VPS54: variants seen among roughly 807,000 people sequenced by gnomAD.
VPS54 encodes the protein VPS54 subunit of GARP complex.
In VPS54, 45 loss-of-function variants were observed where a neutral mutation model predicts 121.5. The observed-to-expected ratio is 0.37, with a 90% CI of 0.29 to 0.47. VPS54 has a LOEUF of 0.47. Among genes scored for constraint, VPS54 ranks in the 20% least tolerant of loss-of-function variants. The probability of loss-of-function intolerance (pLI) is 0.99; values close to 1 mark genes in which losing one functional copy is unlikely to be tolerated. For missense variants in VPS54, 1,090 were observed against 1,131.4 expected (o/e 0.96, Z 0.52); for synonymous variants, 371 against 385.8 (o/e 0.96, Z 0.45).
chr2:63,944,058 C>CA (rs1288335569), intron 10 of VPS54, among the ~76,000 whole-genome samples: 112 of 145,116 alleles, frequency 7.7e-4, no homozygotes, highest in South Asian at 2.2e-3. Flanking sequence ...AGGGTGAAAA[C>CA]AAAAAAAAAA....
chr2:63,942,404 T>C (rs1674785727), intron 11 of VPS54, 61 bp downstream of exon 11: 6 of 1,145,184 alleles, frequency 5.2e-6, no homozygotes, highest in African/African-American at 3.2e-5. Context: ...TTACATATTA[T>C]GTATCTAGAA....
intron 20 of VPS54, among the ~76,000 whole-genome samples, chr2:63,903,856 G>A (rs1490626700): frequency 1.3e-5 from 2 of 151,734 alleles, no homozygotes; most frequent in Non-Finnish European, 2.9e-5. Flanking sequence ...AGAACAGAAG[G>A]AACAAACAGA....
chr2:63,918,908 T>G (rs1673506850), intron 15 of VPS54, among the ~76,000 whole-genome samples: 1 of 152,052 alleles, frequency 6.6e-6, no homozygotes. Flanking sequence ...CTCCACTGAA[T>G]TACTGAGATT....
chr2:63,977,173 A>C (rs1676580837), intron 3 of VPS54, among the ~76,000 whole-genome samples: 1 of 152,102 alleles, frequency 6.6e-6, no homozygotes, highest in Non-Finnish European at 1.5e-5. Context: ...AGTTTTATTG[A>C]TCACAAAGAA....
intron 1 of VPS54, among the ~76,000 whole-genome samples, chr2:63,988,918 C>T (rs1041625546): frequency 4.6e-5 from 7 of 152,036 alleles, no homozygotes; most frequent in Admixed American, 3.3e-4. Context: ...TTGCCAAAAA[C>T]GAGTAAGAGA....
At chr2:63,991,913 C>T (rs145974787) in intron 1 of VPS54, among the ~76,000 whole-genome samples, 15 of 152,322 alleles carry the variant, frequency 9.8e-5, no homozygotes, top group Admixed American at 5.2e-4. Context: ...TTGGGGCGGT[C>T]GATCTCTGTA....
chr2:63,992,275 C>T (rs539253143), intron 1 of VPS54, among the ~76,000 whole-genome samples: 18 of 152,324 alleles, frequency 1.2e-4, no homozygotes, highest in African/African-American at 3.6e-4. Flanking sequence ...CAACAGCCTA[C>T]CTCCATACAC....
At chr2:63,909,739 T>G (rs1212052218) in intron 20 of VPS54, among the ~76,000 whole-genome samples, 6 of 149,356 alleles carry the variant, frequency 4.0e-5, no homozygotes, top group Non-Finnish European at 8.9e-5. Context: ...TTTTTTTTTT[T>G]TTGAGACAGA....
chr2:63,905,313 A>T (rs1001534558), intron 20 of VPS54, among the ~76,000 whole-genome samples: 1 of 152,158 alleles, frequency 6.6e-6, no homozygotes, highest in African/African-American at 2.4e-5. Flanking sequence ...GGTGAGGAAG[A>T]CTTTATAAAT....
chr2:63,900,211 ACT>A (rs981557600), intron 20 of VPS54, among the ~76,000 whole-genome samples: 11 of 110,750 alleles, frequency 9.9e-5, no homozygotes, highest in Non-Finnish European at 1.6e-4. Flanking sequence ...CAAGAGTGAA[ACT>A]CTGTCTCAAA....
Position 63,988,564 on chromosome 2 carries a change from C to A in VPS54, c.-20-4545G>T, listed in dbSNP as rs568465566. On this transcript the variant is annotated intron_variant, in intron 1 of 22. Transcript: ENST00000272322. ...CTCCAAATTAATACTTTTATAATTT[C>A]TTACGCCTGTCTTTACTGCAATCTC... Among the ~76,000 whole-genome samples the A allele has an allele frequency of 2.6e-5, 4 of 152,264 alleles. No individual in the cohort carries two copies. The South Asian group carries it at 8.3e-4, about 32-fold the overall frequency.
intron 1 of VPS54, 57 bp from the exon 2 acceptor site, chr2:63,984,076 T>C (rs1030039344): frequency 2.9e-6 from 4 of 1,367,270 alleles, no homozygotes; most frequent in South Asian, 2.0e-5. Context: ...CCAAGTATTA[T>C]ACATGTCACA....
In VPS54 at chr2:64,011,654, CCAA is replaced by C. The variant is rs1195569900; in HGVS notation, c.-21+7281_-21+7283del. Among the ~76,000 whole-genome samples, 3 of 152,092 alleles carry C rather than the reference CCAA, an allele frequency of 2.0e-5. No homozygotes were observed. The East Asian group carries it at 5.8e-4, about 29-fold the overall frequency. ...AATCTGTCTCTAGCATGTAAAAATT[CCAA>C]CAACAACAAAAAATAGCTTGGATGC... On this transcript the variant is annotated intron_variant, in intron 1 of 22. Coordinates refer to ENST00000272322, the MANE Select transcript of VPS54 (RefSeq NM_016516.3).
Position 63,971,141 on chromosome 2 carries a change from G to C in VPS54, c.457+1025C>G, listed in dbSNP as rs79672015. Among the ~76,000 whole-genome samples the C allele has an allele frequency of 5.2e-4, 79 of 152,124 alleles. No homozygotes were observed. The East Asian group carries it at 0.014, about 28-fold the overall frequency. ...CATTTTGCTCCATTACCAATAACTG[G>C]CCACCAAAACCTGTGTCTCAATCTC... On this transcript the variant is annotated intron_variant, in intron 4 of 22. Coordinates refer to ENST00000272322, the MANE Select transcript of VPS54 (RefSeq NM_016516.3).
chr2:64,012,428 C>A (rs1434933243), intron 1 of VPS54, among the ~76,000 whole-genome samples: 2 of 136,226 alleles, frequency 1.5e-5, no homozygotes, highest in African/African-American at 2.8e-5. Context: ...CTACTTCCAA[C>A]AACGCAAGGC....
In VPS54 at chr2:63,920,563, A is replaced by C; in HGVS notation, c.1934T>G (p.Phe645Cys). The C allele has an allele frequency of 6.3e-7, 1 of 1,576,480 alleles. No individual in the cohort carries two copies. The change falls in exon 14 of 23, where the codon TTC becomes TGC. Residue 645 changes from phenylalanine to cysteine, a missense_variant. Coordinates refer to ENST00000272322, the MANE Select transcript of VPS54 (RefSeq NM_016516.3). ...FITLSRLMET[F>C]ILDTEQICGR... Reference sequence around the variant, plus strand: ...ACAGATCTGTTCGGTGTCTAAAATGAATGTTTCCATTAATCTAGAAAGTGT... The same window carrying C: ...ACAGATCTGTTCGGTGTCTAAAATGCATGTTTCCATTAATCTAGAAAGTGT...
intron 1 of VPS54, among the ~76,000 whole-genome samples, chr2:64,001,778 G>A (rs947861654): frequency 1.3e-5 from 2 of 151,848 alleles, no homozygotes; most frequent in Non-Finnish European, 2.9e-5. Context: ...CTCTCCCCAA[G>A]CAGAAGGTAG....
At chr2:64,015,153 A>T (rs1385377961) in intron 1 of VPS54, among the ~76,000 whole-genome samples, 1 of 152,210 alleles carries the variant, frequency 6.6e-6, no homozygotes, top group African/African-American at 2.4e-5. Context: ...GATAAAAAAG[A>T]TATGACTATA....
At chr2:63,976,531 G>T (rs1676540032) in intron 3 of VPS54, among the ~76,000 whole-genome samples, 1 of 151,988 alleles carries the variant, frequency 6.6e-6, no homozygotes, top group African/African-American at 2.4e-5. Context: ...ATTTCCTACT[G>T]AAATGTTTGG....
Sources: allele counts gnomAD v4.1 joint callset (sites outside exome capture counted in the v4.1 genomes callset), GRCh38; gene constraint gnomAD v4.1.1; transcripts MANE v1.5; gene names NCBI Gene and HGNC (gene_info 2026-07-23, HGNC 2026-07-21).